The following PHF21A variants were observed in gnomAD, a reference collection of about 807,000 sequenced individuals.
The protein encoded by PHF21A is BHC80a.
PHF21A carries 11 observed loss-of-function variants against 82.5 expected under a neutral mutation model. The observed-to-expected ratio is 0.13, with a 90% CI of 0.08 to 0.22. The LOEUF (loss-of-function observed/expected upper bound fraction) is 0.22. PHF21A is among the 10% of genes least tolerant of loss of function. The pLI, the probability that PHF21A is intolerant of heterozygous loss-of-function variation, is 1.00. For missense variants in PHF21A, 579 were observed against 837.8 expected (o/e 0.69, Z 3.81); for synonymous variants, 297 against 302.8 (o/e 0.98, Z 0.20).
At chr11:46,108,145 T>C (rs978291552) in intron 1 of PHF21A, among the ~76,000 whole-genome samples, 8 of 152,206 alleles carry the variant, frequency 5.3e-5, no homozygotes, top group Non-Finnish European at 4.4e-5. Context: ...AAATGTGAAA[T>C]AAATGTGTCC....
intron 6 of PHF21A, among the ~76,000 whole-genome samples, chr11:46,053,235 T>C (rs1293309245): frequency 6.6e-6 from 1 of 152,220 alleles, no homozygotes; most frequent in Non-Finnish European, 1.5e-5. Context: ...AAACACTTTT[T>C]ATAATATATG....
intron 6 of PHF21A, among the ~76,000 whole-genome samples, chr11:46,074,602 A>G (rs1293113814): frequency 6.6e-6 from 1 of 152,170 alleles, no homozygotes; most frequent in African/African-American, 2.4e-5. Flanking sequence ...TCCTGGGTTC[A>G]AGCAATTCTC....
chr11:46,076,498 T>C (rs1490191173), intron 6 of PHF21A, among the ~76,000 whole-genome samples: 1 of 152,194 alleles, frequency 6.6e-6, no homozygotes, highest in Non-Finnish European at 1.5e-5. Context: ...TAGAGTTTAA[T>C]TAACACAGTT....
At chr11:46,094,488 G>A (rs576067970) in intron 1 of PHF21A, among the ~76,000 whole-genome samples, 8 of 152,184 alleles carry the variant, frequency 5.3e-5, no homozygotes, top group South Asian at 2.1e-4. Flanking sequence ...CTCTTAACCC[G>A]CTGCAGGAGT....
chr11:46,006,392 C>T (rs1025717471), intron 6 of PHF21A, among the ~76,000 whole-genome samples: 7 of 152,154 alleles, frequency 4.6e-5, no homozygotes, highest in African/African-American at 1.4e-4. Flanking sequence ...AAGCACCTAA[C>T]GAAATATTGC....
chr11:46,004,140 C>G (rs1166137323), intron 6 of PHF21A, among the ~76,000 whole-genome samples: 1 of 152,064 alleles, frequency 6.6e-6, no homozygotes, highest in Non-Finnish European at 1.5e-5. Context: ...TCCCCTTTTT[C>G]TTATCCCATT....
At chr11:46,112,930 G>A (rs2097236182) in intron 1 of PHF21A, among the ~76,000 whole-genome samples, 1 of 148,672 alleles carries the variant, frequency 6.7e-6, no homozygotes, top group Non-Finnish European at 1.5e-5. Flanking sequence ...AAACCTTATA[G>A]TAGCTGATAA....
chr11:46,029,247 C>T (rs988079774), intron 6 of PHF21A, among the ~76,000 whole-genome samples: 1 of 152,208 alleles, frequency 6.6e-6, no homozygotes, highest in Non-Finnish European at 1.5e-5. Context: ...CTGACTTTCA[C>T]AAAGTCTAAC....
At chr11:45,964,892 TC>T (rs1319978281) in intron 10 of PHF21A, among the ~76,000 whole-genome samples, 1 of 152,244 alleles carries the variant, frequency 6.6e-6, no homozygotes, top group Non-Finnish European at 1.5e-5. Context: ...CAAAGAAAAG[TC>T]TTTGAAATGA....
chr11:46,098,945 A>G (rs1420617117), intron 1 of PHF21A, among the ~76,000 whole-genome samples: 3 of 152,226 alleles, frequency 2.0e-5, no homozygotes, highest in Admixed American at 6.5e-5. Flanking sequence ...AAATGGGATA[A>G]TAGACCCAAA....
intron 6 of PHF21A, among the ~76,000 whole-genome samples, chr11:46,036,107 TAAG>T (rs930739248): frequency 2.0e-5 from 3 of 152,218 alleles, no homozygotes; most frequent in African/African-American, 7.2e-5. Flanking sequence ...AAAAGATATC[TAAG>T]AAGAAGACTG....
chr11:46,019,950 G>C (rs2095597902), intron 6 of PHF21A, among the ~76,000 whole-genome samples: 1 of 151,048 alleles, frequency 6.6e-6, no homozygotes, highest in Admixed American at 6.6e-5. Flanking sequence ...ATTTCAAATT[G>C]TGTTCTTTTA....
At chr11:45,935,933 T>C (rs2088889079) in intron 17 of PHF21A, among the ~76,000 whole-genome samples, 194 bp from the exon 18 acceptor site, 1 of 152,086 alleles carries the variant, frequency 6.6e-6, no homozygotes. Context: ...TGTCAGTGGC[T>C]TGGGTCTGGC....
chr11:46,092,886 T>C (rs2096942881), intron 1 of PHF21A, among the ~76,000 whole-genome samples: 1 of 151,496 alleles, frequency 6.6e-6, no homozygotes, highest in African/African-American at 2.4e-5. Flanking sequence ...GCCTCCTGAA[T>C]AGCTAGGACT....
intron 6 of PHF21A, among the ~76,000 whole-genome samples, chr11:46,044,877 T>C (rs1187901280): frequency 5.3e-5 from 8 of 152,228 alleles, no homozygotes; most frequent in Non-Finnish European, 1.0e-4. Context: ...AAATTCATTT[T>C]ACCCTTCAAA....
intron 6 of PHF21A, among the ~76,000 whole-genome samples, chr11:46,022,301 A>T (rs2137895216): frequency 6.6e-6 from 1 of 152,208 alleles, no homozygotes; most frequent in South Asian, 2.1e-4. Context: ...AAAAAAATTT[A>T]AAAATTAGCC....
intron 6 of PHF21A, among the ~76,000 whole-genome samples, chr11:46,063,237 T>C (rs1367335782): frequency 6.6e-6 from 1 of 152,214 alleles, no homozygotes; most frequent in Non-Finnish European, 1.5e-5. Flanking sequence ...GTATACACCA[T>C]ATACCCTGTT....
chr11:46,035,977 T>C (rs988216962), intron 6 of PHF21A, among the ~76,000 whole-genome samples: 1 of 151,998 alleles, frequency 6.6e-6, no homozygotes, highest in Non-Finnish European at 1.5e-5. Context: ...CTAGCTACAG[T>C]AAAGAGAAGG....
At chr11:46,109,841 G>A (rs1313278728) in intron 1 of PHF21A, among the ~76,000 whole-genome samples, 2 of 152,090 alleles carry the variant, frequency 1.3e-5, no homozygotes, top group African/African-American at 4.8e-5. Context: ...TTAGCCGGGT[G>A]TGGTGGCACA....
Sources: gnomAD v4.1 joint callset for allele counts (sites outside exome capture counted in the v4.1 genomes callset) on GRCh38, gnomAD v4.1.1 for gene constraint, MANE v1.5 for transcripts, NCBI Gene and HGNC (gene_info 2026-07-23, HGNC 2026-07-21) for gene names.